The following ACSF2 variants were observed in gnomAD, a reference collection of about 807,000 sequenced individuals.
ACSF2 encodes the protein acyl-CoA synthetase family member 2.
Under a neutral mutation model 79.3 loss-of-function variants are expected in ACSF2, and 52 were observed. The ratio of observed to expected loss-of-function variants is 0.66; its 90% CI spans 0.53 to 0.83. ACSF2 has a LOEUF of 0.83. Among genes scored for constraint, ACSF2 ranks in the 40% least tolerant of loss-of-function variants. The probability of loss-of-function intolerance (pLI) is 0.00; values close to 1 mark genes in which losing one functional copy is unlikely to be tolerated. For missense variants in ACSF2, 661 were observed against 803.3 expected, an observed-to-expected ratio of 0.82 and a Z score of 2.14; for synonymous variants, 283 against 312.6, an observed-to-expected ratio of 0.91 and a Z score of 1.00.
At chr17:50,449,104 C>T (rs1281986160) in intron 1 of ACSF2, among the ~76,000 whole-genome samples, 2 of 146,510 alleles carry the variant, frequency 1.4e-5, no homozygotes, top group Non-Finnish European at 3.0e-5. Context: ...GCAACTTCTG[C>T]CTCCTGGGTT....
chr17:50,461,619 G>A lies in ACSF2; in HGVS notation c.454-14G>A, dbSNP rs1183814901. The A allele has an allele frequency of 2.5e-6, 4 of 1,614,084 alleles. No individual in the cohort carries two copies. The highest frequency in any genetic ancestry group is 3.3e-5 in the Admixed American group (2 of 60,022). On this transcript the variant is annotated splice_polypyrimidine_tract_variant and intron_variant, in intron 3 of 15. Transcript: ENST00000300441. ...CTGCCCAGAATACTGATATGCCCTC[G>A]CCGCTTCCACCAGGTGTCTGTGAAC...
intron 1 of ACSF2, 70 bp downstream of exon 1, chr17:50,426,459 A>G: frequency 1.6e-6 from 2 of 1,267,456 alleles, no homozygotes; most frequent in Non-Finnish European, 2.0e-6. Flanking sequence ...GGTCCCGGCG[A>G]GCTTCGGAAG....
chr17:50,465,206 CA>C, intron 10 of ACSF2: 1 of 1,515,876 alleles, frequency 6.6e-7, no homozygotes, highest in East Asian at 2.3e-5. Flanking sequence ...CCTGACCCTC[CA>C]GGGCCAGGGG....
chr17:50,451,258 T>C (rs1483169085), intron 1 of ACSF2, among the ~76,000 whole-genome samples: 4 of 152,142 alleles, frequency 2.6e-5, no homozygotes, highest in African/African-American at 9.7e-5. Context: ...TTTGAACACA[T>C]GTTTTCAGTT....
At chr17:50,468,188 C>T (rs2032865270) in intron 10 of ACSF2, 1 of 1,613,958 alleles carries the variant, frequency 6.2e-7, no homozygotes, top group African/African-American at 1.3e-5. Context: ...TGAGGGGTAG[C>T]TGGACAGCTG....
At chr17:50,472,358 C>G (rs2033158922) in intron 11 of ACSF2, 70 bp from the exon 12 acceptor site, 1 of 1,557,182 alleles carries the variant, frequency 6.4e-7, no homozygotes, top group Non-Finnish European at 8.6e-7. Context: ...AAAGCTCTCT[C>G]CATTTCCAAG....
intron 1 of ACSF2, among the ~76,000 whole-genome samples, chr17:50,459,364 C>T (rs1030901418): frequency 2.6e-5 from 4 of 152,156 alleles, no homozygotes; most frequent in Admixed American, 6.6e-5. Flanking sequence ...CTTCAACCTC[C>T]GGAGTAGCTG....
intron 11 of ACSF2, 139 bp from the exon 12 acceptor site, chr17:50,472,289 G>C: frequency 1.0e-6 from 1 of 995,782 alleles, no homozygotes; most frequent in South Asian, 1.7e-5. Flanking sequence ...TCTGGATGGG[G>C]ATAAGCAGAG....
intron 1 of ACSF2, among the ~76,000 whole-genome samples, chr17:50,430,162 TG>T (rs748078674): frequency 6.6e-5 from 10 of 151,986 alleles, no homozygotes; most frequent in Non-Finnish European, 1.0e-4. Context: ...GTGCTGATGG[TG>T]GGGACAGAGG....
In ACSF2 at chr17:50,474,450, C is replaced by T; in HGVS notation, c.1798-52C>T. The T allele has an allele frequency of 3.8e-6, 6 of 1,596,130 alleles. No homozygotes were observed. The South Asian group carries it at 4.4e-5, about 12-fold the overall frequency. On this transcript the variant is annotated intron_variant, in intron 15 of 15. Transcript: ENST00000300441. The surrounding 1 kb of genome is among the most constrained non-coding windows in gnomAD (Gnocchi z 4.2). ...CTAAGAGCCTGAGAAACCCCTTATT[C>T]TTGGGTGAACCAAGACAGCTGGTAA...
At position 50,463,674 on chromosome 17, in the gene ACSF2, T is replaced by G; in HGVS notation, c.1046+122T>G. The G allele has an allele frequency of 6.6e-7, 1 of 1,509,282 alleles. No homozygotes were observed. Among genetic ancestry groups the G allele is most frequent in the Non-Finnish European group, 9.0e-7 (1 of 1,105,126 alleles). The allele number at this position is 1,509,282 out of a possible 1,614,324, so 93.5% of individuals were successfully genotyped here. On this transcript the variant is annotated intron_variant, in intron 8 of 15. Transcript: ENST00000300441. This position sits in a 1 kb window ranked among gnomAD's most constrained non-coding sequence, Gnocchi z 4.6. ...GCCAGGAGACTGAGGATGGGGACAG[T>G]GGAGGACCCCCAGGAGAGGACCAGT...
intron 1 of ACSF2, among the ~76,000 whole-genome samples, chr17:50,430,252 AG>A (rs1223151706): frequency 6.6e-6 from 1 of 152,200 alleles, no homozygotes; most frequent in African/African-American, 2.4e-5. Context: ...GAAAAATCTG[AG>A]GCCAAAGTAA....
Position 50,468,240 on chromosome 17 carries a change from C to T in ACSF2, c.1216-2788C>T, listed in dbSNP as rs757839489. On this transcript the variant is annotated intron_variant, in intron 10 of 15. Coordinates refer to ENST00000300441, the MANE Select transcript of ACSF2 (RefSeq NM_025149.6). The stretch of plus-strand genomic sequence containing the variant: ...AATTTGGCGAGGTTCTCCACGTCGT[C>T]CAGGGCCCCGGGCTGCAGGGAGCTC... The T allele has an allele frequency of 1.9e-6, 3 of 1,612,228 alleles. No homozygotes were observed. In the African/African-American group the frequency reaches 4.0e-5, roughly 22 times the overall value.
At chr17:50,465,846 C>T (rs1455331087) in intron 10 of ACSF2, 1 of 1,613,904 alleles carries the variant, frequency 6.2e-7, no homozygotes. Context: ...AGCGTGGTTA[C>T]ACCCAGGAAG....
Position 50,474,057 on chromosome 17 carries a change from C to T in ACSF2, c.1728+53C>T. ...TGCTGCTCTGTTCTTTGCTCACCCA[C>T]TCCTCTGCCAACCAGCCCAGGGTGG... On this transcript the variant is annotated intron_variant, in intron 14 of 15. Transcript: ENST00000300441. This position sits in a 1 kb window ranked among gnomAD's most constrained non-coding sequence, Gnocchi z 4.2. The T allele has an allele frequency of 1.3e-6, 2 of 1,557,780 alleles. No individual in the cohort carries two copies. The highest frequency in any genetic ancestry group is 1.8e-5 in the Admixed American group (1 of 54,314).
chr17:50,462,642 T>C, intron 6 of ACSF2, 57 bp downstream of exon 6: 1 of 1,576,340 alleles, frequency 6.3e-7, no homozygotes, highest in Non-Finnish European at 8.7e-7. Flanking sequence ...CCTGTCCCTG[T>C]GACACTTCCG....
At chr17:50,430,622 G>T (rs1385832530) in intron 1 of ACSF2, among the ~76,000 whole-genome samples, 1 of 152,156 alleles carries the variant, frequency 6.6e-6, no homozygotes, top group Admixed American at 6.5e-5. Flanking sequence ...CCGAGATTGT[G>T]CCACTGCACT....
intron 1 of ACSF2, among the ~76,000 whole-genome samples, chr17:50,427,667 C>T (rs569808845): frequency 2.6e-5 from 4 of 152,208 alleles, no homozygotes; most frequent in Non-Finnish European, 4.4e-5. Flanking sequence ...CACACTAAAT[C>T]AGGCCACAGG....
intron 1 of ACSF2, among the ~76,000 whole-genome samples, chr17:50,447,024 T>C (rs2031346144): frequency 6.6e-6 from 1 of 152,222 alleles, no homozygotes; most frequent in Admixed American, 6.5e-5. Context: ...TTTTTAAGTG[T>C]ACATTCAATG....
Sources: allele counts gnomAD v4.1 joint callset (sites outside exome capture counted in the v4.1 genomes callset), GRCh38; gene constraint gnomAD v4.1.1; non-coding constraint Gnocchi (gnomAD v3.1); transcripts MANE v1.5; gene names NCBI Gene and HGNC (gene_info 2026-07-23, HGNC 2026-07-21).